RPGRIP1L: variants seen among roughly 807,000 people sequenced by gnomAD.
RPGRIP1L encodes protein fantom.
A neutral mutation model predicts 160.4 loss-of-function variants in RPGRIP1L; 131 were observed. That is an observed-to-expected ratio of 0.82 (90% CI 0.71 to 0.94). The LOEUF is 0.94. RPGRIP1L is among the 40% of genes least tolerant of loss of function. The pLI is 0.00. For missense variants in RPGRIP1L, 1,522 were observed against 1,535.8 expected (o/e 0.99, Z 0.15); for synonymous variants, 510 against 515.8 (o/e 0.99, Z 0.15).
intron 22 of RPGRIP1L, among the ~76,000 whole-genome samples, chr16:53,625,826 T>C (rs1452300326): frequency 6.6e-6 from 1 of 152,192 alleles, no homozygotes. Context: ...GGGATGCTGT[T>C]AATCTATAAC....
intron 16 of RPGRIP1L, among the ~76,000 whole-genome samples, chr16:53,648,390 A>G (rs928327330): frequency 6.6e-6 from 1 of 152,202 alleles, no homozygotes; most frequent in Admixed American, 6.5e-5. Flanking sequence ...CTGATAGTCC[A>G]ATAACGGCTG....
chr16:53,694,443 A>G (rs1970601288), intron 3 of RPGRIP1L: 1 of 151,824 alleles, frequency 6.6e-6, no homozygotes, highest in Non-Finnish European at 1.5e-5. Flanking sequence ...AAAAAAAAAA[A>G]AAAAAAAAAT....
chr16:53,671,452 C>G, intron 9 of RPGRIP1L, 58 bp downstream of exon 9: 1 of 1,078,376 alleles, frequency 9.3e-7, no homozygotes, highest in African/African-American at 1.5e-5. Flanking sequence ...ACAGCAAATG[C>G]TTACATATAA....
chr16:53,647,217 G>C (rs1966613810), intron 16 of RPGRIP1L, among the ~76,000 whole-genome samples: 1 of 152,150 alleles, frequency 6.6e-6, no homozygotes, highest in African/African-American at 2.4e-5. Flanking sequence ...CTTAAGTTTG[G>C]GAATCAGTGT....
chr16:53,658,565 T>G (rs1164158538), intron 11 of RPGRIP1L, 101 bp from the exon 12 acceptor site: 1 of 995,428 alleles, frequency 1.0e-6, no homozygotes, highest in Non-Finnish European at 1.6e-6. Flanking sequence ...AACTGACTGA[T>G]GCCATGAACT....
Position 53,692,191 on chromosome 16 carries a change from G to T in RPGRIP1L, c.404C>A (p.Ser135Ter), listed in dbSNP as rs1311148417. 6.2e-7 allele frequency: 1 copy of T among 1,614,050 alleles called. No homozygotes were observed. Among genetic ancestry groups the T allele is most frequent in the South Asian group, 1.1e-5 (1 of 91,070 alleles). ...CTGGGTTTGAAGTTGCTGTTTGGCT[G>T]AAATCAGTCTGTTTTTGAGGGTTTC... Reference protein sequence around the residue: ...QNETLKNRLISAKQQLQTQGY... With the variant: ...QNETLKNRLI Residue 135 changes from serine to a stop codon, truncating the protein, a stop_gained, in exon 4 of 27, where the codon TCA becomes TAA. Coordinates refer to ENST00000647211, the MANE Select transcript of RPGRIP1L (RefSeq NM_015272.5). LOFTEE classifies it high-confidence loss of function.
intron 6 of RPGRIP1L, among the ~76,000 whole-genome samples, chr16:53,684,475 C>T (rs1382502114): frequency 6.6e-6 from 1 of 151,930 alleles, no homozygotes; most frequent in East Asian, 1.9e-4. Flanking sequence ...CCATCATTCT[C>T]AGCAAACTAT....
intron 6 of RPGRIP1L, among the ~76,000 whole-genome samples, chr16:53,682,081 G>A (rs1202740652): frequency 6.6e-6 from 1 of 151,940 alleles, no homozygotes; most frequent in Non-Finnish European, 1.5e-5. Context: ...ATTTAAAAAA[G>A]GCATTGAACA....
intron 17 of RPGRIP1L, among the ~76,000 whole-genome samples, chr16:53,644,413 A>G (rs904690443): frequency 1.2e-4 from 19 of 152,188 alleles, no homozygotes; most frequent in Non-Finnish European, 7.4e-5. Flanking sequence ...AGAGGAGAAA[A>G]AAATAACTGA....
intron 24 of RPGRIP1L, 81 bp downstream of exon 24, chr16:53,618,944 C>G (rs1964543702): frequency 8.6e-7 from 1 of 1,167,786 alleles, no homozygotes. Flanking sequence ...GAGAAATAAA[C>G]TTTCTCTCTG....
In RPGRIP1L at chr16:53,676,879, C is replaced by T. The variant is rs1053995703; in HGVS notation, c.777-1757G>A. ...CGATCTCCTGACCTCATAATCCACC[C>T]GCCTCGGCCTCCCAAAGTGCTGGGA... On this transcript the variant is annotated intron_variant, in intron 6 of 26. Transcript: ENST00000647211. Among the ~76,000 whole-genome samples the T allele has an allele frequency of 1.2e-4, 19 of 152,106 alleles. No individual in the cohort carries two copies. The South Asian group carries it at 3.7e-3, about 30-fold the overall frequency.
At chr16:53,625,193 A>G (rs1015611419) in intron 22 of RPGRIP1L, among the ~76,000 whole-genome samples, 1 of 150,472 alleles carries the variant, frequency 6.6e-6, no homozygotes, top group Non-Finnish European at 1.5e-5. Context: ...CACCCCGTCT[A>G]GGAAGTGAGG....
chr16:53,648,301 C>T (rs1327704996), intron 16 of RPGRIP1L, among the ~76,000 whole-genome samples: 1 of 151,918 alleles, frequency 6.6e-6, no homozygotes, highest in Non-Finnish European at 1.5e-5. Flanking sequence ...TCCAAGTTCC[C>T]AGAAAGAGAA....
chr16:53,678,940 T>A (rs1322156426), intron 6 of RPGRIP1L, among the ~76,000 whole-genome samples: 1 of 152,172 alleles, frequency 6.6e-6, no homozygotes, highest in Non-Finnish European at 1.5e-5. Context: ...AGCAAGGCTA[T>A]CCCCTATGAC....
intron 10 of RPGRIP1L, among the ~76,000 whole-genome samples, chr16:53,664,455 T>A (rs1968070299): frequency 6.6e-6 from 1 of 152,200 alleles, no homozygotes; most frequent in African/African-American, 2.4e-5. Context: ...TACATATTTA[T>A]TTAATTGTTG....
chr16:53,653,973 G>A (rs1489428371), intron 14 of RPGRIP1L, among the ~76,000 whole-genome samples: 5 of 151,552 alleles, frequency 3.3e-5, no homozygotes, highest in African/African-American at 1.2e-4. Context: ...TTGTTTTTTT[G>A]TATGTTTTGA....
intron 2 of RPGRIP1L, among the ~76,000 whole-genome samples, chr16:53,698,319 G>T (rs1971009682): frequency 6.9e-6 from 1 of 145,830 alleles, no homozygotes; most frequent in African/African-American, 2.6e-5. Context: ...GAGGGAGGTG[G>T]GGGGGTCAGC....
chr16:53,677,641 G>GA (rs1238634658), intron 6 of RPGRIP1L, among the ~76,000 whole-genome samples: 1 of 152,076 alleles, frequency 6.6e-6, no homozygotes, highest in Non-Finnish European at 1.5e-5. Context: ...ATAATGGGAG[G>GA]AAGTAAGAGA....
Position 53,672,253 on chromosome 16 carries a change from T to G in RPGRIP1L, c.1029+617A>C, listed in dbSNP as rs77694638. On this transcript the variant is annotated intron_variant, in intron 8 of 26. Coordinates refer to ENST00000647211, the MANE Select transcript of RPGRIP1L (RefSeq NM_015272.5). Reference sequence around the variant, plus strand: ...CATAAGTATATTTTGCAGTCACAACTTTTTCCTGTGGATCAGATTACTCTT... The same window carrying G: ...CATAAGTATATTTTGCAGTCACAACGTTTTCCTGTGGATCAGATTACTCTT... 1.8e-3 allele frequency among the ~76,000 whole-genome samples: 277 copies of G among 152,292 alleles called. 1 individual carries two copies. The highest frequency in any genetic ancestry group is 6.3e-3 in the African/African-American group (260 of 41,580).
Sources: allele counts gnomAD v4.1 joint callset (sites outside exome capture counted in the v4.1 genomes callset), GRCh38; gene constraint gnomAD v4.1.1; transcripts MANE v1.5; gene names NCBI Gene and HGNC (gene_info 2026-07-23, HGNC 2026-07-21).